Variants in ALK observed in about 807,000 individuals in gnomAD.
ALK encodes ALK receptor tyrosine kinase.
A neutral mutation model predicts 163.1 loss-of-function variants in ALK; 74 were observed. That is an observed-to-expected ratio of 0.45 (90% CI 0.38 to 0.55). ALK has a LOEUF of 0.55. ALK is among the 20% of genes least tolerant of loss of function. The pLI is 0.00. For synonymous variants in ALK, 960 were observed against 843.2 expected (o/e 1.14, Z -2.40); for missense variants, 2,063 against 2,105.3 (o/e 0.98, Z 0.39).
At chr2:29,382,134 A>T (rs541990498) in intron 5 of ALK, among the ~76,000 whole-genome samples, 9 of 152,196 alleles carry the variant, frequency 5.9e-5, no homozygotes, top group Non-Finnish European at 7.3e-5. Context: ...TATCTGGGCC[A>T]AGCCACTTTC....
At chr2:29,695,612 C>T (rs1410523312) in intron 2 of ALK, among the ~76,000 whole-genome samples, 1 of 152,174 alleles carries the variant, frequency 6.6e-6, no homozygotes, top group Middle Eastern at 3.4e-3. Flanking sequence ...GCAATCTATC[C>T]ACCTGACAAA....
At chr2:29,272,851 G>A (rs2148213512) in intron 11 of ALK, among the ~76,000 whole-genome samples, 1 of 152,306 alleles carries the variant, frequency 6.6e-6, no homozygotes, top group East Asian at 1.9e-4. Flanking sequence ...AAGTAGCTTA[G>A]TTGGGTGAAA....
At chr2:29,514,140 C>T (rs1384577901) in intron 4 of ALK, among the ~76,000 whole-genome samples, 1 of 138,456 alleles carries the variant, frequency 7.2e-6, no homozygotes, top group Non-Finnish European at 1.6e-5. Flanking sequence ...CCCAGCCATC[C>T]CATTACTGGG....
At chr2:29,496,882 G>T (rs1672037298) in intron 4 of ALK, among the ~76,000 whole-genome samples, 1 of 152,188 alleles carries the variant, frequency 6.6e-6, no homozygotes, top group African/African-American at 2.4e-5. Context: ...GCTCAAAAAG[G>T]TTGTTGTAAG....
At chr2:29,566,860 A>G (rs1043933045) in intron 3 of ALK, among the ~76,000 whole-genome samples, 1 of 152,192 alleles carries the variant, frequency 6.6e-6, no homozygotes. Flanking sequence ...TACATAATAA[A>G]TAAAGCCACA....
At chr2:29,832,997 G>A (rs992342601) in intron 1 of ALK, among the ~76,000 whole-genome samples, 13 of 152,138 alleles carry the variant, frequency 8.5e-5, no homozygotes, top group African/African-American at 2.9e-4. Flanking sequence ...AACAGAGGCA[G>A]GGGCATGGAA....
chr2:29,478,630 A>G lies in ALK; in HGVS notation c.1154+53285T>C, dbSNP rs754920499. Among the ~76,000 whole-genome samples, 152 of 152,370 alleles carry G rather than the reference A, an allele frequency of 1.0e-3. 1 individual carries two copies. Among genetic ancestry groups the G allele is most frequent in the Middle Eastern group, 3.4e-3 (1 of 294 alleles). On this transcript the variant is annotated intron_variant, in intron 4 of 28. Transcript: ENST00000389048. ...CGAGGAATAAGTCATACGCATACGC[A>G]AGTCAGTTTACACTGCCAGGTGATT...
rs1023838390 is a variant in ALK, at chr2:29,491,994, T to C, written c.1154+39921A>G. On this transcript the variant is annotated intron_variant, in intron 4 of 28. Coordinates refer to ENST00000389048, the MANE Select transcript of ALK (RefSeq NM_004304.5). ...ATTTACATAACAGCAATTCTAATACTTATAAATTGCACAATCAATTAAATC... is the reference window on the plus strand; with the variant it reads ...ATTTACATAACAGCAATTCTAATACCTATAAATTGCACAATCAATTAAATC... Among the ~76,000 whole-genome samples the C allele has an allele frequency of 3.9e-5, 6 of 152,212 alleles. No individual in the cohort carries two copies. The East Asian group carries it at 1.2e-3, about 29-fold the overall frequency.
At chr2:29,451,011 A>G (rs1670807401) in intron 4 of ALK, among the ~76,000 whole-genome samples, 1 of 152,210 alleles carries the variant, frequency 6.6e-6, no homozygotes, top group South Asian at 2.1e-4. Flanking sequence ...TGATTTGTGT[A>G]AATAAACACA....
chr2:29,229,142 TGCAG>T, intron 15 of ALK, 76 bp from the exon 16 acceptor site: 1 of 1,454,566 alleles, frequency 6.9e-7, no homozygotes. Flanking sequence ...AGAAGCAGGA[TGCAG>T]GACGCCTTGG....
chr2:29,469,689 G>A (rs1190425840), intron 4 of ALK, among the ~76,000 whole-genome samples: 2 of 152,098 alleles, frequency 1.3e-5, no homozygotes, highest in Non-Finnish European at 2.9e-5. Flanking sequence ...CTCCCAACGA[G>A]TTTTTAATAA....
intron 1 of ALK, among the ~76,000 whole-genome samples, chr2:29,825,616 T>A (rs1020318524): frequency 3.9e-5 from 6 of 152,154 alleles, no homozygotes; most frequent in Admixed American, 3.3e-4. Context: ...AGATTAAGGA[T>A]GATGACTTCT....
At chr2:29,460,499 G>A (rs1671059485) in intron 4 of ALK, among the ~76,000 whole-genome samples, 1 of 152,112 alleles carries the variant, frequency 6.6e-6, no homozygotes, top group Non-Finnish European at 1.5e-5. Flanking sequence ...CCAGCAGTGT[G>A]TGCTCACTTG....
intron 3 of ALK, among the ~76,000 whole-genome samples, chr2:29,634,191 C>CG (rs1427667611): frequency 1.3e-5 from 2 of 151,924 alleles, no homozygotes; most frequent in East Asian, 3.9e-4. Flanking sequence ...CTCTGCCTCC[C>CG]GGTTCAAGTG....
chr2:29,639,814 T>C lies in ALK; in HGVS notation c.952+55036A>G, dbSNP rs376230811. ...GACATTTCTTAGGTGTGTCTTTACA[T>C]AGGGAACAGGGAGTGCTGTCGTGAA... is the stretch of plus-strand genomic sequence containing the variant. On this transcript the variant is annotated intron_variant, in intron 3 of 28. Transcript: ENST00000389048. 1.3e-5 allele frequency among the ~76,000 whole-genome samples: 2 copies of C among 152,150 alleles called. 1 individual carries two copies. The highest frequency in any genetic ancestry group is 4.1e-4 in the South Asian group (2 of 4,828).
At chr2:29,853,535 A>G (rs1223691223) in intron 1 of ALK, among the ~76,000 whole-genome samples, 1 of 152,052 alleles carries the variant, frequency 6.6e-6, no homozygotes, top group Non-Finnish European at 1.5e-5. Flanking sequence ...TTCATTGCTC[A>G]TCTGGTCTTC....
At chr2:29,315,867 A>G (rs1403690981) in intron 8 of ALK, among the ~76,000 whole-genome samples, 1 of 152,140 alleles carries the variant, frequency 6.6e-6, no homozygotes, top group Non-Finnish European at 1.5e-5. Flanking sequence ...CCTTCGTGGT[A>G]GGCATCAGCC....
In ALK at chr2:29,663,572, G is replaced by A. The variant is rs558207805; in HGVS notation, c.952+31278C>T. ...TTTAATCTCATGGGGATAATTTCAA[G>A]AGAACCAGACTGTATTTTGGATGAC... On this transcript the variant is annotated intron_variant, in intron 3 of 28. Transcript: ENST00000389048. Among the ~76,000 whole-genome samples, 3 of 152,256 alleles carry A rather than the reference G, an allele frequency of 2.0e-5. No individual in the cohort carries two copies. The East Asian group carries it at 5.8e-4, about 29-fold the overall frequency.
intron 3 of ALK, among the ~76,000 whole-genome samples, chr2:29,604,163 G>GT (rs34399929): frequency 0.54 from 74,446 of 138,160 alleles, 20,790 homozygotes; most frequent in East Asian, 0.75. Flanking sequence ...GAATAGAGAA[G>GT]TTTTTTTTTT....
Sources: gnomAD v4.1 joint callset for allele counts (sites outside exome capture counted in the v4.1 genomes callset) on GRCh38, gnomAD v4.1.1 for gene constraint, MANE v1.5 for transcripts, NCBI Gene and HGNC (gene_info 2026-07-23, HGNC 2026-07-21) for gene names.